Variants in KNL1 observed in about 807,000 individuals in gnomAD.
KNL1 encodes kinetochore scaffold 1.
In KNL1, 66 loss-of-function variants were observed where a neutral mutation model predicts 201.3. The observed-to-expected ratio is 0.33, with a 90% CI of 0.27 to 0.40. KNL1 has a LOEUF of 0.40. Ranked by LOEUF, KNL1 falls within the 10% of genes least tolerant of loss-of-function variation. The pLI is 1.00. For missense variants in KNL1, 2,815 were observed against 2,690.5 expected, an observed-to-expected ratio of 1.05 and a Z score of -1.02; for synonymous variants, 895 against 899.2, an observed-to-expected ratio of 1.00 and a Z score of 0.08.
chr15:40,608,530 G>T (rs1892049240), intron 4 of KNL1, among the ~76,000 whole-genome samples: 1 of 151,500 alleles, frequency 6.6e-6, no homozygotes, highest in South Asian at 2.1e-4. Flanking sequence ...CCGATCACCT[G>T]AGGTCGGGAG....
intron 10 of KNL1, among the ~76,000 whole-genome samples, chr15:40,627,513 C>CAAA (rs543656517): frequency 8.7e-5 from 6 of 68,808 alleles, no homozygotes; most frequent in Non-Finnish European, 1.5e-4. Flanking sequence ...GACTCCGCCT[C>CAAA]AAAAAAAAAA....
At chr15:40,613,306 G>A (rs947425937) in intron 7 of KNL1, among the ~76,000 whole-genome samples, 1 of 152,108 alleles carries the variant, frequency 6.6e-6, no homozygotes, top group African/African-American at 2.4e-5. Context: ...GTATGTATAT[G>A]TAGTGACTTA....
At chr15:40,609,245 A>C (rs1365919595) in intron 5 of KNL1, among the ~76,000 whole-genome samples, 1 of 119,440 alleles carries the variant, frequency 8.4e-6, no homozygotes, top group Non-Finnish European at 1.7e-5. Context: ...CCATCTCTAC[A>C]AAAAAAAAAA....
chr15:40,651,621 G>A, intron 20 of KNL1, 49 bp downstream of exon 20: 1 of 1,353,814 alleles, frequency 7.4e-7, no homozygotes. Context: ...TGTACCTTGT[G>A]GTTGTTTAAA....
chr15:40,622,094 T>C lies in KNL1; in HGVS notation c.1830T>C (p.Asp610=). 1 of 1,614,070 alleles carries C rather than the reference T, an allele frequency of 6.2e-7. No homozygotes were observed. Among genetic ancestry groups the C allele is most frequent in the Non-Finnish European group, 8.5e-7 (1 of 1,179,964 alleles). ...ESHSQSKSSS[D]ECEEITKSRN... is the part of the protein sequence containing the mutation. ...ACTCTCAGAGCAAAAGCTCTTCAGA[T>C]GAATGTGAAGAAATTACCAAAAGTC... Residue 610 remains aspartate, a synonymous_variant, in exon 10 of 26, where the codon GAT becomes GAC. Coordinates refer to ENST00000399668, the MANE Select transcript of KNL1 (RefSeq NM_144508.5).
intron 25 of KNL1, among the ~76,000 whole-genome samples, chr15:40,659,755 C>T (rs1454458532): frequency 2.6e-5 from 4 of 151,826 alleles, no homozygotes; most frequent in Non-Finnish European, 2.9e-5. Flanking sequence ...GCTGGAATTA[C>T]AGGCTTGAGC....
intron 24 of KNL1, among the ~76,000 whole-genome samples, chr15:40,657,754 A>G (rs1230398617): frequency 6.6e-6 from 1 of 152,158 alleles, no homozygotes; most frequent in African/African-American, 2.4e-5. Context: ...TTTTATAAGG[A>G]CACTAGTCAT....
intron 24 of KNL1, among the ~76,000 whole-genome samples, chr15:40,658,354 C>G (rs542429919): frequency 6.6e-6 from 1 of 151,050 alleles, no homozygotes; most frequent in East Asian, 2.0e-4. Flanking sequence ...ATGGTGAAAC[C>G]CTGTCTCTAC....
At chr15:40,632,651 A>G (rs1892946079) in intron 13 of KNL1, among the ~76,000 whole-genome samples, 2 of 152,232 alleles carry the variant, frequency 1.3e-5, no homozygotes, top group South Asian at 4.1e-4. Flanking sequence ...GTGAGAAAAC[A>G]GTTGAAATCA....
chr15:40,609,912 G>T (rs1192695607), intron 5 of KNL1, among the ~76,000 whole-genome samples: 1 of 152,060 alleles, frequency 6.6e-6, no homozygotes, highest in Non-Finnish European at 1.5e-5. Flanking sequence ...TATTAGTCAG[G>T]CTTGTTGGTG....
At position 40,605,207 on chromosome 15, in the gene KNL1, A is replaced by G. The variant is rs74985610; in HGVS notation, c.75+58A>G. ...AGCTTTTATTTAATGATAACCATAT[A>G]TCACAGTAGTTTTGACTGTGGCTTC... On this transcript the variant is annotated intron_variant, in intron 3 of 25. Transcript: ENST00000399668. 1.6e-3 allele frequency: 1,597 copies of G among 971,040 alleles called. 22 individuals are homozygous for G. The African/African-American group carries it at 0.023, about 14-fold the overall frequency. 60.2% of individuals were successfully genotyped at this position (971,040 alleles called of 1,614,324 possible). A position where few individuals can be genotyped will look rare whatever the true frequency, so the allele number is the denominator to read the frequency against.
At chr15:40,653,989 G>A (rs1197347509) in intron 21 of KNL1, among the ~76,000 whole-genome samples, 1 of 152,088 alleles carries the variant, frequency 6.6e-6, no homozygotes, top group African/African-American at 2.4e-5. Context: ...CCTTAATAGT[G>A]CTTATCATAG....
At chr15:40,632,825 G>A (rs955636333) in intron 13 of KNL1, among the ~76,000 whole-genome samples, 9 of 152,074 alleles carry the variant, frequency 5.9e-5, no homozygotes, top group Non-Finnish European at 1.0e-4. Flanking sequence ...TTTGAGACCA[G>A]CCTGGGCAAC....
At chr15:40,602,363 C>G (rs9920642) in intron 1 of KNL1, among the ~76,000 whole-genome samples, 1 of 147,784 alleles carries the variant, frequency 6.8e-6, no homozygotes, top group Non-Finnish European at 1.5e-5. Context: ...GTCTCGATCT[C>G]CTGACCTTGT....
intron 13 of KNL1, among the ~76,000 whole-genome samples, chr15:40,640,585 T>TA (rs980506508): frequency 3.2e-4 from 47 of 148,364 alleles, no homozygotes; most frequent in East Asian, 1.4e-3. Context: ...GAAACTGGCT[T>TA]AAAAAAAAAA....
chr15:40,599,459 C>T (rs1360437675), intron 1 of KNL1, among the ~76,000 whole-genome samples: 1 of 149,212 alleles, frequency 6.7e-6, no homozygotes, highest in Non-Finnish European at 1.5e-5. Flanking sequence ...TCTCTGCTCA[C>T]TGCAGCCTCT....
rs2141727002 is a variant in KNL1 at position 40,625,295 on chromosome 15, C to G, written c.5031C>G (p.Asp1677Glu). 1 of 1,614,080 alleles carries G rather than the reference C, an allele frequency of 6.2e-7. No homozygotes were observed. Among genetic ancestry groups the G allele is most frequent in the South Asian group, 1.1e-5 (1 of 91,078 alleles). Reference protein sequence around the residue: ...GIDDLEQIPADTTDINHLETQ... With the variant: ...GIDDLEQIPAETTDINHLETQ... The stretch of plus-strand genomic sequence containing the variant: ...ATGACCTGGAACAGATTCCAGCAGA[C>G]ACAACTGATATAAATCACTTAGAAA... The change falls in exon 10 of 26, where the codon GAC (aspartate) becomes GAG (glutamate). Residue 1677 changes from aspartate to glutamate, a missense_variant. Around this residue, in one of 3 missense-constraint regions of KNL1, gnomAD observed 2,464 missense variants for 2,291.7 expected, o/e 1.08. Coordinates refer to ENST00000399668, the MANE Select transcript of KNL1 (RefSeq NM_144508.5).
intron 2 of KNL1, among the ~76,000 whole-genome samples, chr15:40,604,116 T>TATCATC (rs71104704): frequency 0.01 from 1,534 of 149,530 alleles, 17 homozygotes; most frequent in Middle Eastern, 0.021. Flanking sequence ...CTGTCTCACA[T>TATCATC]ATCATCATCA....
chr15:40,598,911 C>T (rs962379097), intron 1 of KNL1, among the ~76,000 whole-genome samples: 2 of 151,908 alleles, frequency 1.3e-5, no homozygotes, highest in Non-Finnish European at 2.9e-5. Context: ...TCAAGCTATC[C>T]TCCTGCCTCA....
Sources: gnomAD v4.1 joint callset for allele counts (sites outside exome capture counted in the v4.1 genomes callset) on GRCh38, gnomAD v4.1.1 for gene constraint, gnomAD v4.1.1 regional missense constraint, MANE v1.5 for transcripts, NCBI Gene and HGNC (gene_info 2026-07-23, HGNC 2026-07-21) for gene names.